Variants in SRBD1 observed in about 807,000 individuals in gnomAD.
SRBD1 encodes the protein S1 RNA binding domain 1.
SRBD1 carries 88 observed loss-of-function variants against 115.3 expected under a neutral mutation model. That is an observed-to-expected ratio of 0.76 (90% CI 0.64 to 0.91). The LOEUF is 0.91. SRBD1 is among the 40% of genes least tolerant of loss of function. SRBD1 has a pLI of 0.00. For missense variants in SRBD1, 1,385 were observed against 1,177.4 expected, an observed-to-expected ratio of 1.18 and a Z score of -2.58; for synonymous variants, 509 against 407.7, an observed-to-expected ratio of 1.25 and a Z score of -2.99.
At chr2:45,539,650 T>A (rs1174396172) in intron 14 of SRBD1, among the ~76,000 whole-genome samples, 2 of 152,086 alleles carry the variant, frequency 1.3e-5, no homozygotes, top group African/African-American at 2.4e-5. Context: ...ACTACCTGGG[T>A]GGTCAGAAAA....
chr2:45,499,400 T>C (rs1670557579), intron 14 of SRBD1, among the ~76,000 whole-genome samples: 1 of 152,210 alleles, frequency 6.6e-6, no homozygotes, highest in African/African-American at 2.4e-5. Flanking sequence ...GTTCTAGTTA[T>C]TAATCCCTTT....
intron 16 of SRBD1, among the ~76,000 whole-genome samples, chr2:45,467,392 C>T (rs189246126): frequency 6.2e-4 from 94 of 152,098 alleles, no homozygotes; most frequent in Middle Eastern, 3.4e-3. Context: ...CAGGTAGTGG[C>T]GAAAAGAAAA....
At chr2:45,475,171 T>C (rs1669768829) in intron 16 of SRBD1, among the ~76,000 whole-genome samples, 2 of 152,186 alleles carry the variant, frequency 1.3e-5, no homozygotes, top group African/African-American at 4.8e-5. Flanking sequence ...TCAAGCATCA[T>C]CCACATATCA....
At chr2:45,541,601 C>A (rs1450625768) in intron 14 of SRBD1, among the ~76,000 whole-genome samples, 1 of 152,210 alleles carries the variant, frequency 6.6e-6, no homozygotes, top group African/African-American at 2.4e-5. Context: ...GCAGGTTGTC[C>A]CAATGAGTGT....
chr2:45,444,313 G>A (rs889950165), intron 16 of SRBD1, among the ~76,000 whole-genome samples: 4 of 152,158 alleles, frequency 2.6e-5, no homozygotes, highest in African/African-American at 9.7e-5. Flanking sequence ...ACTGAGGTGG[G>A]AGAGTCACTT....
intron 15 of SRBD1, among the ~76,000 whole-genome samples, chr2:45,480,952 G>A (rs534572060): frequency 6.6e-6 from 1 of 152,288 alleles, no homozygotes; most frequent in South Asian, 2.1e-4. Flanking sequence ...TGATACAGCA[G>A]ACTACTTCAT....
chr2:45,512,811 T>C (rs1375731331), intron 14 of SRBD1, among the ~76,000 whole-genome samples: 2 of 152,150 alleles, frequency 1.3e-5, no homozygotes, highest in Non-Finnish European at 2.9e-5. Context: ...GGAATTTGTG[T>C]AAGTGAATAT....
intron 2 of SRBD1, 25 bp downstream of exon 2, chr2:45,605,337 C>G (rs371518806): frequency 6.3e-7 from 1 of 1,587,644 alleles, no homozygotes; most frequent in African/African-American, 1.3e-5. Context: ...ATTCCCCTAC[C>G]CACATATTAA....
At chr2:45,544,020 A>C (rs1312389647) in intron 14 of SRBD1, among the ~76,000 whole-genome samples, 2 of 152,244 alleles carry the variant, frequency 1.3e-5, no homozygotes, top group African/African-American at 4.8e-5. Flanking sequence ...AAAAGTGCAA[A>C]GAAGGCACCA....
Position 45,585,649 on chromosome 2 carries a change from A to T in SRBD1, c.774T>A (p.Ala258=). 1.2e-6 allele frequency: 2 copies of T among 1,611,546 alleles called. No individual in the cohort carries two copies. The highest frequency in any genetic ancestry group is 1.1e-5 in the South Asian group (1 of 90,368). Reference sequence around the variant, plus strand: ...TTTGCTGAACTTCTCTCAAGGAATCAGCATCAAGGTTATTAATGAGCTCTT... The same window carrying T: ...TTTGCTGAACTTCTCTCAAGGAATCTGCATCAAGGTTATTAATGAGCTCTT... ...YRKELINNLD[A]DSLREVQQTL... The change falls in exon 5 of 21, where the codon GCT becomes GCA. Residue 258 remains alanine, a synonymous_variant. Transcript: ENST00000263736.
chr2:45,559,225 T>C (rs1453205694), intron 10 of SRBD1, among the ~76,000 whole-genome samples: 1 of 152,220 alleles, frequency 6.6e-6, no homozygotes, highest in Non-Finnish European at 1.5e-5. Context: ...GATCTTAAAA[T>C]GCAATCTGAT....
intron 4 of SRBD1, among the ~76,000 whole-genome samples, chr2:45,586,463 G>A (rs1372416495): frequency 2.0e-5 from 3 of 152,136 alleles, no homozygotes; most frequent in African/African-American, 7.2e-5. Flanking sequence ...TTGGGTGAGG[G>A]TTAGAGTTGG....
At chr2:45,598,421 T>C (rs1652363403) in intron 4 of SRBD1, among the ~76,000 whole-genome samples, 1 of 151,926 alleles carries the variant, frequency 6.6e-6, no homozygotes, top group Admixed American at 6.6e-5. Flanking sequence ...GAGACCATCC[T>C]GGCTAACACG....
chr2:45,573,615 A>G (rs777711876), intron 8 of SRBD1, among the ~76,000 whole-genome samples: 1 of 152,230 alleles, frequency 6.6e-6, no homozygotes, highest in Non-Finnish European at 1.5e-5. Context: ...TATGCAAAAG[A>G]TCAAAACTAT....
At chr2:45,584,382 A>G (rs971478812) in intron 5 of SRBD1, among the ~76,000 whole-genome samples, 1 of 152,178 alleles carries the variant, frequency 6.6e-6, no homozygotes, top group Admixed American at 6.5e-5. Context: ...TGATTTAGTC[A>G]TTTATATTTT....
At chr2:45,582,999 G>C (rs543163266) in intron 5 of SRBD1, among the ~76,000 whole-genome samples, 78 of 152,180 alleles carry the variant, frequency 5.1e-4, no homozygotes, top group African/African-American at 1.7e-3. Context: ...AAAAGGAAGG[G>C]TGGGCACAGT....
At chr2:45,604,673 T>C (rs1285977690) in intron 2 of SRBD1, among the ~76,000 whole-genome samples, 1 of 152,172 alleles carries the variant, frequency 6.6e-6, no homozygotes, top group African/African-American at 2.4e-5. Flanking sequence ...CTTTGCAAGC[T>C]GCACCCCCAA....
At chr2:45,543,509 A>G (rs758667054) in intron 14 of SRBD1, among the ~76,000 whole-genome samples, 13 of 152,240 alleles carry the variant, frequency 8.5e-5, no homozygotes, top group Non-Finnish European at 1.3e-4. Context: ...AGTGGCTGAC[A>G]AGATTATAGA....
intron 14 of SRBD1, among the ~76,000 whole-genome samples, chr2:45,516,824 T>C (rs1024940000): frequency 1.3e-5 from 2 of 152,184 alleles, no homozygotes; most frequent in Non-Finnish European, 2.9e-5. Flanking sequence ...TTAATATAAA[T>C]AAAAGATATA....
Sources: allele counts gnomAD v4.1 joint callset (sites outside exome capture counted in the v4.1 genomes callset), GRCh38; gene constraint gnomAD v4.1.1; transcripts MANE v1.5; gene names NCBI Gene and HGNC (gene_info 2026-07-23, HGNC 2026-07-21).